Variants in ATRNL1 observed in about 807,000 individuals in gnomAD.
ATRNL1 encodes attractin-like protein 1.
A neutral mutation model predicts 182.7 loss-of-function variants in ATRNL1; 95 were observed. That is an observed-to-expected ratio of 0.52 (90% CI 0.44 to 0.62). The LOEUF (loss-of-function observed/expected upper bound fraction) is 0.62. Among genes scored for constraint, ATRNL1 ranks in the 20% least tolerant of loss-of-function variants. The pLI is 0.00. For synonymous variants in ATRNL1, 576 were observed against 568.3 expected, an observed-to-expected ratio of 1.01 and a Z score of -0.19; for missense variants, 1,471 against 1,679.5, an observed-to-expected ratio of 0.88 and a Z score of 2.17.
chr10:115,322,232 C>A lies in ATRNL1; in HGVS notation c.3037+6496C>A, dbSNP rs1411468594. ...TATATATGTTGTGGACCCAACAGTACTTTAATAAAATTATTACTTTATATA... is the reference window on the plus strand; with the variant it reads ...TATATATGTTGTGGACCCAACAGTAATTTAATAAAATTATTACTTTATATA... On this transcript the variant is annotated intron_variant, in intron 18 of 28. Transcript: ENST00000355044. Among the ~76,000 whole-genome samples, 4 of 151,682 alleles carry A rather than the reference C, an allele frequency of 2.6e-5. 1 individual carries two copies. The highest frequency in any genetic ancestry group is 1.9e-4 in the East Asian group (1 of 5,180).
intron 19 of ATRNL1, among the ~76,000 whole-genome samples, chr10:115,354,227 A>G (rs1479968087): frequency 1.3e-5 from 2 of 152,122 alleles, no homozygotes; most frequent in Admixed American, 1.3e-4. Flanking sequence ...CTCTTCTGTT[A>G]GAGTATTCTG....
chr10:115,468,467 C>T (rs547793726), intron 23 of ATRNL1, among the ~76,000 whole-genome samples: 5 of 150,832 alleles, frequency 3.3e-5, no homozygotes, highest in African/African-American at 9.7e-5. Flanking sequence ...AATTCAATTA[C>T]GCAGTATACT....
intron 26 of ATRNL1, among the ~76,000 whole-genome samples, chr10:115,580,238 C>T (rs1854984689): frequency 6.6e-6 from 1 of 152,026 alleles, no homozygotes; most frequent in Non-Finnish European, 1.5e-5. Flanking sequence ...GTTTGGCATC[C>T]TGCTGTTTCA....
At chr10:115,201,994 T>C (rs1288955675) in intron 8 of ATRNL1, among the ~76,000 whole-genome samples, 1 of 151,998 alleles carries the variant, frequency 6.6e-6, no homozygotes, top group Non-Finnish European at 1.5e-5. Flanking sequence ...TTTGAAGCAG[T>C]TGTGAATGGG....
intron 28 of ATRNL1, among the ~76,000 whole-genome samples, chr10:115,887,314 A>C (rs1033079170): frequency 2.0e-5 from 3 of 152,164 alleles, no homozygotes; most frequent in African/African-American, 7.2e-5. Context: ...AAAATATCAT[A>C]AACTGGGTAG....
chr10:115,281,519 A>G (rs1852360544), intron 14 of ATRNL1, 32 bp downstream of exon 14: 1 of 1,605,502 alleles, frequency 6.2e-7, no homozygotes, highest in Non-Finnish European at 8.5e-7. Context: ...AAATGAGTTT[A>G]TGGTCTACAG....
chr10:115,824,080 A>G (rs1950368171), intron 27 of ATRNL1, among the ~76,000 whole-genome samples: 2 of 152,198 alleles, frequency 1.3e-5, no homozygotes, highest in Admixed American at 1.3e-4. Flanking sequence ...CAAAACAGAT[A>G]TGTAGACCAA....
intron 25 of ATRNL1, among the ~76,000 whole-genome samples, chr10:115,533,344 T>C (rs200812439): frequency 7.7e-6 from 1 of 129,974 alleles, no homozygotes; most frequent in Non-Finnish European, 1.7e-5. Context: ...AGTGTATGTA[T>C]CGAGGAATTT....
At chr10:115,393,708 G>C (rs1554954862) in intron 19 of ATRNL1, among the ~76,000 whole-genome samples, 2 of 152,086 alleles carry the variant, frequency 1.3e-5, no homozygotes, top group Admixed American at 6.6e-5. Flanking sequence ...AGAGAAAGTG[G>C]ATGACAATAC....
At chr10:115,143,114 G>A (rs1003743488) in intron 5 of ATRNL1, among the ~76,000 whole-genome samples, 2 of 152,096 alleles carry the variant, frequency 1.3e-5, no homozygotes, top group Non-Finnish European at 2.9e-5. Flanking sequence ...TGATGAAATT[G>A]GATGAGATTA....
At chr10:115,481,821 A>G (rs1473330308) in intron 24 of ATRNL1, among the ~76,000 whole-genome samples, 1 of 150,926 alleles carries the variant, frequency 6.6e-6, no homozygotes, top group Non-Finnish European at 1.5e-5. Flanking sequence ...TGTAAAAGTT[A>G]GTCATTTGAA....
At chr10:115,943,673 C>G (rs966895462) in intron 28 of ATRNL1, among the ~76,000 whole-genome samples, 12 of 151,166 alleles carry the variant, frequency 7.9e-5, no homozygotes, top group Non-Finnish European at 1.5e-4. Context: ...CAATCAGGCT[C>G]CTAGGTACTT....
intron 26 of ATRNL1, among the ~76,000 whole-genome samples, chr10:115,600,929 C>CTTTTTTTTTT (rs58476140): frequency 7.7e-6 from 1 of 129,864 alleles, no homozygotes; most frequent in African/African-American, 2.7e-5. Context: ...TTTTTATTTT[C>CTTTTTTTTTT]TTTTTTTTTT....
intron 27 of ATRNL1, among the ~76,000 whole-genome samples, chr10:115,819,352 A>G (rs1201315920): frequency 1.3e-5 from 2 of 152,146 alleles, no homozygotes; most frequent in Non-Finnish European, 2.9e-5. Context: ...TTGCATTACT[A>G]TCTATCTAGA....
chr10:115,196,161 G>A (rs1848351562), intron 8 of ATRNL1, among the ~76,000 whole-genome samples: 1 of 148,748 alleles, frequency 6.7e-6, no homozygotes, highest in Admixed American at 6.6e-5. Context: ...GCAAAACCCT[G>A]TGCCTGAATG....
At chr10:115,202,792 G>A (rs1288160216) in intron 8 of ATRNL1, among the ~76,000 whole-genome samples, 3 of 147,138 alleles carry the variant, frequency 2.0e-5, no homozygotes, top group East Asian at 2.0e-4. Flanking sequence ...GATTGGAATA[G>A]TTTCAGAAGG....
intron 26 of ATRNL1, among the ~76,000 whole-genome samples, chr10:115,562,050 G>T (rs1554999907): frequency 6.6e-6 from 1 of 151,964 alleles, no homozygotes; most frequent in African/African-American, 2.4e-5. Flanking sequence ...GAAAACGTAG[G>T]TCTATATAAA....
chr10:115,592,933 G>GTCTGTCTATCTGTCTA (rs3981283), intron 26 of ATRNL1, among the ~76,000 whole-genome samples: 9 of 151,532 alleles, frequency 5.9e-5, no homozygotes, highest in Admixed American at 2.0e-4. Flanking sequence ...CTATCTGTCT[G>GTCTGTCTATCTGTCTA]TCTGTCTATC....
intron 20 of ATRNL1, among the ~76,000 whole-genome samples, chr10:115,414,623 C>A (rs1243159278): frequency 6.6e-6 from 1 of 151,846 alleles, no homozygotes; most frequent in Non-Finnish European, 1.5e-5. Context: ...CAGTAGGTAA[C>A]CAATTTTATT....
Sources: gnomAD v4.1 joint callset for allele counts (sites outside exome capture counted in the v4.1 genomes callset) on GRCh38, gnomAD v4.1.1 for gene constraint, MANE v1.5 for transcripts, NCBI Gene and HGNC (gene_info 2026-07-23, HGNC 2026-07-21) for gene names.